The following E2F3 variants were observed in gnomAD, a reference collection of about 807,000 sequenced individuals.
E2F3 encodes the protein transcription factor E2F3.
E2F3 carries 11 observed loss-of-function variants against 44.4 expected under a neutral mutation model. The observed-to-expected ratio is 0.25, with a 90% CI of 0.16 to 0.41. The LOEUF is 0.41. Among genes scored for constraint, E2F3 ranks in the 10% least tolerant of loss-of-function variants. The pLI, the probability that E2F3 is intolerant of heterozygous loss-of-function variation, is 1.00. For synonymous variants in E2F3, 249 were observed against 253.0 expected (o/e 0.98, Z 0.15); for missense variants, 487 against 583.6 (o/e 0.83, Z 1.70).
intron 1 of E2F3, among the ~76,000 whole-genome samples, chr6:20,417,512 T>TA (rs1169561937): frequency 3.9e-5 from 6 of 151,904 alleles, no homozygotes; most frequent in East Asian, 1.9e-4. Flanking sequence ...AGTAACTTTT[T>TA]AAAAAATAAG....
chr6:20,469,548 T>A (rs1388057252), intron 1 of E2F3, among the ~76,000 whole-genome samples: 1 of 152,208 alleles, frequency 6.6e-6, no homozygotes, highest in Non-Finnish European at 1.5e-5. Context: ...CAGTCACCAG[T>A]TCATAGGTTA....
chr6:20,437,998 G>A (rs1478636368), intron 1 of E2F3: 1 of 152,190 alleles, frequency 6.6e-6, no homozygotes, highest in Non-Finnish European at 1.5e-5. Flanking sequence ...GATTTGACTG[G>A]GTAATGTGAT....
intron 1 of E2F3, among the ~76,000 whole-genome samples, chr6:20,411,310 CT>C (rs930605728): frequency 2.0e-5 from 3 of 152,190 alleles, no homozygotes; most frequent in African/African-American, 7.2e-5. Flanking sequence ...CTCGGAGCCC[CT>C]GCCAGTGTGT....
chr6:20,454,248 C>T (rs1273869775), intron 1 of E2F3, among the ~76,000 whole-genome samples: 1 of 152,198 alleles, frequency 6.6e-6, no homozygotes, highest in Non-Finnish European at 1.5e-5. Context: ...AATCAGAGAC[C>T]CTGTGTGGAC....
chr6:20,469,868 T>A (rs1761834285), intron 1 of E2F3, among the ~76,000 whole-genome samples: 1 of 152,176 alleles, frequency 6.6e-6, no homozygotes, highest in South Asian at 2.1e-4. Flanking sequence ...GATGCTACTC[T>A]CATTAGATTC....
intron 1 of E2F3, 45 bp from the exon 2 acceptor site, chr6:20,479,801 T>A: frequency 1.3e-6 from 2 of 1,547,358 alleles, no homozygotes; most frequent in Non-Finnish European, 1.8e-6. Flanking sequence ...CTTCTTGTTC[T>A]TGTCCATATG....
intron 1 of E2F3, among the ~76,000 whole-genome samples, chr6:20,416,041 A>G (rs1374915188): frequency 6.6e-6 from 1 of 152,156 alleles, no homozygotes; most frequent in East Asian, 1.9e-4. Context: ...TCGTCTGTTA[A>G]ATGAGGAAAA....
At chr6:20,458,245 G>A (rs1052989798) in intron 1 of E2F3, among the ~76,000 whole-genome samples, 4 of 152,158 alleles carry the variant, frequency 2.6e-5, no homozygotes, top group African/African-American at 4.8e-5. Context: ...GAATGAGAGT[G>A]GAGGAATTTG....
intron 2 of E2F3, among the ~76,000 whole-genome samples, chr6:20,480,401 T>C (rs1441579832): frequency 2.0e-5 from 3 of 152,320 alleles, no homozygotes; most frequent in East Asian, 3.9e-4. Flanking sequence ...GCTGTTTCTC[T>C]TTCTATCAAA....
At chr6:20,473,920 C>T (rs942707422) in intron 1 of E2F3, among the ~76,000 whole-genome samples, 12 of 152,098 alleles carry the variant, frequency 7.9e-5, no homozygotes, top group African/African-American at 2.4e-4. Context: ...TGGGAAGAGT[C>T]GTCCTAATGT....
chr6:20,448,897 G>C lies in E2F3; in HGVS notation c.394-30949G>C, dbSNP rs535751917. 7.9e-5 allele frequency among the ~76,000 whole-genome samples: 12 copies of C among 152,330 alleles called. No individual in the cohort carries two copies. The East Asian group carries it at 2.3e-3, about 29-fold the overall frequency. ...TAAATTCATTGGCTTAATTGGAAGA[G>C]AGTATTTATAGAAATTGAATGATCC... On this transcript the variant is annotated intron_variant, in intron 1 of 6. Transcript: ENST00000346618.
chr6:20,450,469 G>C (rs1761093017), intron 1 of E2F3, among the ~76,000 whole-genome samples: 1 of 152,070 alleles, frequency 6.6e-6, no homozygotes, highest in Non-Finnish European at 1.5e-5. Context: ...TTTTAATGGG[G>C]CTGTTTGTTT....
intron 1 of E2F3, among the ~76,000 whole-genome samples, chr6:20,457,298 C>T (rs1419601916): frequency 6.6e-6 from 1 of 151,746 alleles, no homozygotes; most frequent in Non-Finnish European, 1.5e-5. Context: ...TCTCGGCCTC[C>T]CAAGTAGCTG....
intron 1 of E2F3, among the ~76,000 whole-genome samples, chr6:20,451,810 G>C (rs1761141268): frequency 6.6e-6 from 1 of 152,184 alleles, no homozygotes; most frequent in African/African-American, 2.4e-5. Context: ...AGCATCTATT[G>C]AGATAATCAT....
chr6:20,435,237 C>T (rs1760535326), intron 1 of E2F3, among the ~76,000 whole-genome samples: 1 of 152,144 alleles, frequency 6.6e-6, no homozygotes, highest in Admixed American at 6.5e-5. Flanking sequence ...CTCAGCCTCC[C>T]AAAGTGCTGG....
chr6:20,444,728 A>G (rs1030672842), intron 1 of E2F3, among the ~76,000 whole-genome samples: 2 of 151,466 alleles, frequency 1.3e-5, no homozygotes, highest in African/African-American at 2.5e-5. Context: ...AAACCAGACG[A>G]AAAAAACACA....
intron 4 of E2F3, among the ~76,000 whole-genome samples, chr6:20,483,928 T>C (rs1192940921): frequency 6.6e-6 from 1 of 152,240 alleles, no homozygotes; most frequent in Non-Finnish European, 1.5e-5. Context: ...TTTTCAAACC[T>C]GCAATTGTTC....
At chr6:20,434,521 A>G (rs768628382) in intron 1 of E2F3, among the ~76,000 whole-genome samples, 5 of 152,190 alleles carry the variant, frequency 3.3e-5, no homozygotes, top group Non-Finnish European at 5.9e-5. Flanking sequence ...CTCCTACGCC[A>G]CTTAAATCTT....
intron 1 of E2F3, among the ~76,000 whole-genome samples, chr6:20,457,358 T>TG (rs1357616514): frequency 6.8e-6 from 1 of 147,086 alleles, no homozygotes; most frequent in African/African-American, 2.5e-5. Context: ...CTTTTTTTTT[T>TG]TTTTTTTTTT....
Sources: allele counts gnomAD v4.1 joint callset (sites outside exome capture counted in the v4.1 genomes callset), GRCh38; gene constraint gnomAD v4.1.1; transcripts MANE v1.5; gene names NCBI Gene and HGNC (gene_info 2026-07-23, HGNC 2026-07-21).